The following ARB2A variants were observed in gnomAD, a reference collection of about 807,000 sequenced individuals.
ARB2A encodes ARB2 cotranscriptional regulator A, also known as cotranscriptional regulator ARB2A.
At chr5:94,090,031 C>G in the ARB2A span, among the ~76,000 whole-genome samples, 1 of 152,002 alleles carries the variant, frequency 6.6e-6, no homozygotes, top group Non-Finnish European at 1.5e-5. Context: ...GAAAAAAAAG[C>G]AAGAACTAAA....
chr5:93,886,185 A>T, the ARB2A span, among the ~76,000 whole-genome samples: 7 of 151,898 alleles, frequency 4.6e-5, no homozygotes, highest in African/African-American at 1.7e-4. Context: ...GAAAACAGGC[A>T]AATTCTACAT....
the ARB2A span, among the ~76,000 whole-genome samples, chr5:94,037,053 C>A: frequency 6.6e-6 from 1 of 152,106 alleles, no homozygotes; most frequent in Non-Finnish European, 1.5e-5. Flanking sequence ...TTTATGATTG[C>A]ACCTTAACAT....
At chr5:93,805,006 A>C in the ARB2A span, 8 of 979,608 alleles carry the variant, frequency 8.2e-6, no homozygotes, top group Non-Finnish European at 9.7e-6. Flanking sequence ...CAGTAGTCAA[A>C]CAGAAAAAAA....
the ARB2A span, among the ~76,000 whole-genome samples, chr5:94,037,795 G>C: frequency 6.6e-6 from 1 of 152,052 alleles, no homozygotes; most frequent in African/African-American, 2.4e-5. Flanking sequence ...GTTGTTCCTA[G>C]TTTCAAATAT....
At chr5:93,788,694 T>C in the ARB2A span, among the ~76,000 whole-genome samples, 1 of 152,200 alleles carries the variant, frequency 6.6e-6, no homozygotes, top group East Asian at 1.9e-4. Context: ...TTCTGCCAAA[T>C]TGAATTATGA....
the ARB2A span, among the ~76,000 whole-genome samples, chr5:94,023,240 T>C: frequency 1.1e-4 from 16 of 152,346 alleles, no homozygotes; most frequent in South Asian, 1.9e-3. Flanking sequence ...AATCTTACCC[T>C]ATATGAATGG....
the ARB2A span, among the ~76,000 whole-genome samples, chr5:94,092,139 C>T: frequency 6.7e-6 from 1 of 149,302 alleles, no homozygotes; most frequent in Non-Finnish European, 1.5e-5. Context: ...ATCGTTTGAC[C>T]AGCCTGGCCA....
chr5:93,896,581 T>C, the ARB2A span, among the ~76,000 whole-genome samples: 1 of 152,054 alleles, frequency 6.6e-6, no homozygotes, highest in Admixed American at 6.6e-5. Context: ...CTAAGCATTG[T>C]GGACAAAAGA....
chr5:93,804,602 A>G, the ARB2A span, among the ~76,000 whole-genome samples: 1 of 151,880 alleles, frequency 6.6e-6, no homozygotes, highest in South Asian at 2.1e-4. Flanking sequence ...ATTAACATTA[A>G]GAACTGCTCA....
the ARB2A span, among the ~76,000 whole-genome samples, chr5:93,979,832 G>A: frequency 6.6e-6 from 1 of 151,916 alleles, no homozygotes; most frequent in Admixed American, 6.6e-5. Context: ...GTATAAAAGT[G>A]ATATATTCTG....
At chr5:93,904,273 C>T in the ARB2A span, among the ~76,000 whole-genome samples, 1 of 151,820 alleles carries the variant, frequency 6.6e-6, no homozygotes, top group Non-Finnish European at 1.5e-5. Flanking sequence ...GCAACAAATT[C>T]TAGCTTTCAA....
At chr5:94,011,922 A>C in the ARB2A span, among the ~76,000 whole-genome samples, 1 of 149,126 alleles carries the variant, frequency 6.7e-6, no homozygotes, top group East Asian at 1.9e-4. Flanking sequence ...AGCCCCGACA[A>C]ATTAAAGGGT....
At chr5:93,885,520 G>A in the ARB2A span, among the ~76,000 whole-genome samples, 1 of 151,258 alleles carries the variant, frequency 6.6e-6, no homozygotes, top group Non-Finnish European at 1.5e-5. Flanking sequence ...TAAAACTTCT[G>A]GCATCCTTTA....
the ARB2A span, among the ~76,000 whole-genome samples, chr5:93,688,898 G>A: frequency 2.6e-5 from 4 of 152,088 alleles, no homozygotes; most frequent in African/African-American, 9.7e-5. Flanking sequence ...GCCTCATCCA[G>A]GTCATCATGA....
At chr5:93,656,574 A>G in the ARB2A span, among the ~76,000 whole-genome samples, 2 of 152,118 alleles carry the variant, frequency 1.3e-5, no homozygotes, top group African/African-American at 4.8e-5. Context: ...TACTATTCAC[A>G]CTTACTTTGG....
chr5:93,678,258 C>G, the ARB2A span, among the ~76,000 whole-genome samples: 4 of 152,150 alleles, frequency 2.6e-5, no homozygotes, highest in African/African-American at 9.7e-5. Context: ...ACATGACTGT[C>G]TGTATCGTAT....
chr5:93,821,460 T>C, the ARB2A span, among the ~76,000 whole-genome samples: 6 of 152,192 alleles, frequency 3.9e-5, no homozygotes, highest in Admixed American at 1.3e-4. Context: ...ATTTACATAT[T>C]AATCTTGACA....
At chr5:93,676,462 TATGA>T in the ARB2A span, among the ~76,000 whole-genome samples, 2 of 152,214 alleles carry the variant, frequency 1.3e-5, 1 homozygote, top group Non-Finnish European at 2.9e-5. Context: ...CCACTGAACG[TATGA>T]ATGATAATGT....
the ARB2A span, among the ~76,000 whole-genome samples, chr5:93,852,595 G>A: frequency 3.0e-4 from 45 of 151,694 alleles, no homozygotes; most frequent in African/African-American, 9.4e-4. Flanking sequence ...TAGGTCTAAC[G>A]TTTAAGTCTT....
Sources: gnomAD v4.1 joint callset for allele counts (sites outside exome capture counted in the v4.1 genomes callset) on GRCh38, gnomAD v4.1.1 for gene constraint, MANE v1.5 for transcripts, NCBI Gene and HGNC (gene_info 2026-07-23, HGNC 2026-07-21) for gene names.